The following CTNNA2 variants were observed in gnomAD, a reference collection of about 807,000 sequenced individuals.
CTNNA2 encodes catenin alpha 2.
A neutral mutation model predicts 101.0 loss-of-function variants in CTNNA2; 42 were observed. That is an observed-to-expected ratio of 0.42 (90% CI 0.32 to 0.54). CTNNA2 has a LOEUF of 0.54. CTNNA2 is among the 20% of genes least tolerant of loss of function. The pLI is 0.14. For missense variants in CTNNA2, 871 were observed against 1,223.1 expected, an observed-to-expected ratio of 0.71 and a Z score of 4.29; for synonymous variants, 450 against 456.4, an observed-to-expected ratio of 0.99 and a Z score of 0.18.
intron 3 of CTNNA2, among the ~76,000 whole-genome samples, chr2:79,826,295 C>T (rs765993079): frequency 7.9e-5 from 12 of 152,192 alleles, no homozygotes; most frequent in Non-Finnish European, 1.8e-4. Context: ...AGGGGCATTT[C>T]ATGCCCATAA....
intron 4 of CTNNA2, among the ~76,000 whole-genome samples, chr2:79,464,352 A>G (rs1670910173): frequency 6.6e-6 from 1 of 152,172 alleles, no homozygotes; most frequent in African/African-American, 2.4e-5. Context: ...CATGGTGTAT[A>G]TATGCCACAT....
At chr2:79,331,933 T>C (rs1463215207) in intron 3 of CTNNA2, among the ~76,000 whole-genome samples, 1 of 152,186 alleles carries the variant, frequency 6.6e-6, no homozygotes, top group Non-Finnish European at 1.5e-5. Context: ...CTGAGACACA[T>C]AGTCATAATG....
rs80026819 is a variant in CTNNA2 at position 79,236,533 on chromosome 2, T to C, written c.-406+38457T>C. 1.1e-4 allele frequency among the ~76,000 whole-genome samples: 17 copies of C among 152,344 alleles called. No homozygotes were observed. In the East Asian group the frequency reaches 1.2e-3, roughly 10 times the overall value. ...TATGCCTATAATGAAGATTGCCACATATATTTGATTCTTTCTTCTACAAAA... is the reference window on the plus strand; with the variant it reads ...TATGCCTATAATGAAGATTGCCACACATATTTGATTCTTTCTTCTACAAAA... On this transcript the variant is annotated intron_variant, in intron 2 of 21. Coordinates refer to the CTNNA2 transcript ENST00000466387.
At chr2:80,225,355 T>G (rs1327080415) in intron 7 of CTNNA2, among the ~76,000 whole-genome samples, 1 of 152,220 alleles carries the variant, frequency 6.6e-6, no homozygotes, top group Non-Finnish European at 1.5e-5. Context: ...CATTTGTGTC[T>G]CTGGGCACTG....
At chr2:79,617,910 G>A (rs1678737526) in intron 1 of CTNNA2, among the ~76,000 whole-genome samples, 1 of 152,120 alleles carries the variant, frequency 6.6e-6, no homozygotes, top group Admixed American at 6.5e-5. Flanking sequence ...TCATATGAGA[G>A]TCGGGTTCAA....
intron 7 of CTNNA2, among the ~76,000 whole-genome samples, chr2:80,361,343 A>G (rs1312207699): frequency 6.6e-6 from 1 of 152,170 alleles, no homozygotes; most frequent in African/African-American, 2.4e-5. Context: ...CACTTGGGCC[A>G]CACCATTATA....
chr2:79,467,023 C>T (rs760991219), intron 4 of CTNNA2, among the ~76,000 whole-genome samples: 19 of 152,144 alleles, frequency 1.2e-4, no homozygotes, highest in African/African-American at 2.9e-4. Flanking sequence ...CAAAGCTGGA[C>T]GGAGAATGAC....
chr2:79,749,534 A>G (rs1465653877), intron 3 of CTNNA2, among the ~76,000 whole-genome samples: 2 of 152,090 alleles, frequency 1.3e-5, no homozygotes, highest in Non-Finnish European at 1.5e-5. Context: ...GTAAGTTTAA[A>G]CCGTATCAGA....
intron 2 of CTNNA2, among the ~76,000 whole-genome samples, chr2:79,655,842 A>T (rs1256051353): frequency 6.7e-6 from 1 of 149,746 alleles, no homozygotes; most frequent in Admixed American, 6.6e-5. Context: ...AAAAAAAAAA[A>T]AATGTCTTTT....
chr2:79,979,467 C>G (rs925610358), intron 7 of CTNNA2, among the ~76,000 whole-genome samples: 5 of 152,178 alleles, frequency 3.3e-5, no homozygotes, highest in African/African-American at 9.6e-5. Flanking sequence ...AGCACAGAAC[C>G]CAACATTCTT....
intron 7 of CTNNA2, among the ~76,000 whole-genome samples, chr2:80,275,966 T>C (rs528823862): frequency 6.6e-6 from 1 of 152,250 alleles, no homozygotes; most frequent in East Asian, 1.9e-4. Context: ...TTTTTTTTTA[T>C]TCCCATCAAT....
chr2:80,230,746 G>C (rs1709163221), intron 7 of CTNNA2, among the ~76,000 whole-genome samples: 1 of 152,130 alleles, frequency 6.6e-6, no homozygotes, highest in Non-Finnish European at 1.5e-5. Context: ...GCTCACATAA[G>C]GAAATCACAG....
intron 2 of CTNNA2, among the ~76,000 whole-genome samples, chr2:79,243,497 C>T (rs1674661113): frequency 6.6e-6 from 1 of 152,184 alleles, no homozygotes; most frequent in Non-Finnish European, 1.5e-5. Flanking sequence ...ACTCTTGCTC[C>T]TTATTTATTC....
rs528054015 is a variant in CTNNA2, at chr2:80,601,535, C to T, written c.2190-2539C>T. ...GGTCTGTTTTGATAATTTATATTCT[C>T]CTAGAAACTTATTTCATCTGTTTTC... On this transcript the variant is annotated intron_variant, in intron 15 of 18. Coordinates refer to ENST00000402739, the MANE Select transcript of CTNNA2 (RefSeq NM_001282597.3). The T allele has an allele frequency of 3.4e-5, 5 of 148,284 alleles. No homozygotes were observed. In the South Asian group the frequency reaches 6.4e-4, roughly 19 times the overall value. 9.2% of individuals were successfully genotyped at this position (148,284 alleles called of 1,614,324 possible).
chr2:80,497,900 T>A (rs1687591257), intron 9 of CTNNA2, among the ~76,000 whole-genome samples: 1 of 152,120 alleles, frequency 6.6e-6, no homozygotes, highest in Admixed American at 6.5e-5. Flanking sequence ...GGGCCTCAGA[T>A]GAGATCAGAC....
intron 1 of CTNNA2, among the ~76,000 whole-genome samples, chr2:79,629,764 A>G (rs1242826103): frequency 3.3e-5 from 5 of 152,130 alleles, no homozygotes; most frequent in Non-Finnish European, 5.9e-5. Flanking sequence ...AGCTGTCTGT[A>G]TGGGTATATT....
intron 7 of CTNNA2, among the ~76,000 whole-genome samples, chr2:79,980,885 C>A (rs956049624): frequency 6.6e-6 from 1 of 151,966 alleles, no homozygotes; most frequent in East Asian, 1.9e-4. Flanking sequence ...TTTTGCTCAT[C>A]GTTTACAAAT....
rs568517886 is a variant in CTNNA2, at chr2:80,090,086, A to G, written c.1056+180289A>G. Among the ~76,000 whole-genome samples, 7 of 151,930 alleles carry G rather than the reference A, an allele frequency of 4.6e-5. No individual in the cohort carries two copies. In the South Asian group the frequency reaches 6.2e-4, roughly 14 times the overall value. On this transcript the variant is annotated intron_variant, in intron 7 of 18. Transcript: ENST00000402739. Reference sequence around the variant, plus strand: ...CTGTCAAATTATAACTTAGAAGTTAAAGTATAGAGATGGTGGTGACCATAG... The same window carrying G: ...CTGTCAAATTATAACTTAGAAGTTAGAGTATAGAGATGGTGGTGACCATAG...
At position 79,851,578 on chromosome 2, in the gene CTNNA2, A is replaced by C. The variant is rs572475574; in HGVS notation, c.299-6435A>C. Among the ~76,000 whole-genome samples, 3 of 152,212 alleles carry C rather than the reference A, an allele frequency of 2.0e-5. No homozygotes were observed. In the South Asian group the frequency reaches 6.2e-4, roughly 32 times the overall value. ...TGCTCTACAAGATCCGTTTTTCAGA[A>C]TCCTTTAAGATCTGTACTTCATGGA... On this transcript the variant is annotated intron_variant, in intron 3 of 18. Coordinates refer to ENST00000402739, the MANE Select transcript of CTNNA2 (RefSeq NM_001282597.3).
Sources: gnomAD v4.1 joint callset for allele counts (sites outside exome capture counted in the v4.1 genomes callset) on GRCh38, gnomAD v4.1.1 for gene constraint, MANE v1.5 for transcripts, NCBI Gene and HGNC (gene_info 2026-07-23, HGNC 2026-07-21) for gene names.